The following CDH4 variants were observed in gnomAD, a reference collection of about 807,000 sequenced individuals.
The protein encoded by CDH4 is cadherin-4.
Under a neutral mutation model 86.0 loss-of-function variants are expected in CDH4, and 33 were observed. The ratio of observed to expected loss-of-function variants is 0.38; its 90% CI spans 0.29 to 0.51. The LOEUF (loss-of-function observed/expected upper bound fraction) is 0.51, where lower values mean the gene tolerates loss of function less well. Among genes scored for constraint, CDH4 ranks in the 20% least tolerant of loss-of-function variants. The probability of loss-of-function intolerance (pLI) is 0.86; values close to 1 mark genes in which losing one functional copy is unlikely to be tolerated. For missense variants in CDH4, 1,114 were observed against 1,307.4 expected (o/e 0.85, Z 2.28); for synonymous variants, 555 against 549.4 (o/e 1.01, Z -0.14).
intron 2 of CDH4, among the ~76,000 whole-genome samples, chr20:61,542,155 G>A (rs1037471102): frequency 6.6e-6 from 1 of 152,134 alleles, no homozygotes; most frequent in Non-Finnish European, 1.5e-5. Context: ...CTCATACTGG[G>A]TTAAGCTACT....
At chr20:61,639,879 T>A (rs904026315) in intron 2 of CDH4, among the ~76,000 whole-genome samples, 1 of 152,192 alleles carries the variant, frequency 6.6e-6, no homozygotes, top group African/African-American at 2.4e-5. Flanking sequence ...TATCTCACAA[T>A]GAAAATGCCC....
chr20:61,922,484 A>G (rs1468978094), intron 9 of CDH4, among the ~76,000 whole-genome samples: 1 of 152,240 alleles, frequency 6.6e-6, no homozygotes, highest in Non-Finnish European at 1.5e-5. Context: ...TGGGAACTGC[A>G]GACCTGGCAT....
chr20:61,572,070 T>G (rs1205993849), intron 2 of CDH4, among the ~76,000 whole-genome samples: 1 of 152,064 alleles, frequency 6.6e-6, no homozygotes, highest in Non-Finnish European at 1.5e-5. Context: ...GCAGCCAGCC[T>G]GAGCCAGCCA....
intron 9 of CDH4, among the ~76,000 whole-genome samples, chr20:61,922,858 C>A (rs1282150438): frequency 6.6e-6 from 1 of 152,220 alleles, no homozygotes; most frequent in Non-Finnish European, 1.5e-5. Context: ...TGGGCTCAAG[C>A]GATCCTCCCA....
At chr20:61,846,615 G>A (rs955258744) in intron 5 of CDH4, among the ~76,000 whole-genome samples, 2 of 152,044 alleles carry the variant, frequency 1.3e-5, no homozygotes, top group Non-Finnish European at 2.9e-5. Context: ...AGAGACAGAG[G>A]CATAGAGACA....
chr20:61,727,501 C>T (rs890409405), intron 2 of CDH4, among the ~76,000 whole-genome samples: 1 of 152,194 alleles, frequency 6.6e-6, no homozygotes, highest in Non-Finnish European at 1.5e-5. Context: ...CCTTAGTCCA[C>T]CTTTATTACT....
intron 2 of CDH4, among the ~76,000 whole-genome samples, chr20:61,594,226 AG>A (rs1355233432): frequency 2.8e-5 from 2 of 70,416 alleles, no homozygotes; most frequent in Admixed American, 2.0e-4. Context: ...GTGAAGAGGG[AG>A]GGGGGCTGAG....
intron 4 of CDH4, among the ~76,000 whole-genome samples, chr20:61,812,185 T>C (rs1324736416): frequency 2.6e-5 from 4 of 152,024 alleles, no homozygotes; most frequent in South Asian, 4.2e-4. Flanking sequence ...GGGCATGTTA[T>C]TGGGGGCGGG....
chr20:61,321,235 C>CA (rs1310931272), intron 2 of CDH4, among the ~76,000 whole-genome samples: 1 of 152,162 alleles, frequency 6.6e-6, no homozygotes, highest in Non-Finnish European at 1.5e-5. Context: ...CAAATTAGAA[C>CA]AGTTAATTTC....
chr20:61,659,939 C>T (rs2145830205), intron 2 of CDH4, among the ~76,000 whole-genome samples: 1 of 152,346 alleles, frequency 6.6e-6, no homozygotes. Context: ...CTGGCCCCTC[C>T]CCAAGCCTGT....
chr20:61,906,530 A>G (rs1394567143), intron 8 of CDH4, among the ~76,000 whole-genome samples: 3 of 152,216 alleles, frequency 2.0e-5, no homozygotes, highest in Non-Finnish European at 2.9e-5. Context: ...GGAGGCCAGC[A>G]GGTTTTCACT....
At chr20:61,380,513 C>A (rs1051394771) in intron 2 of CDH4, among the ~76,000 whole-genome samples, 1 of 149,066 alleles carries the variant, frequency 6.7e-6, no homozygotes, top group East Asian at 2.0e-4. Flanking sequence ...ACCAACAACA[C>A]CATCCTACAA....
At chr20:61,890,781 A>T (rs777960012) in intron 7 of CDH4, among the ~76,000 whole-genome samples, 1 of 152,080 alleles carries the variant, frequency 6.6e-6, no homozygotes, top group Non-Finnish European at 1.5e-5. Flanking sequence ...ATCTTGGTAA[A>T]TGTCAGCTCT....
At chr20:61,271,817 G>T (rs1018893253) in intron 2 of CDH4, among the ~76,000 whole-genome samples, 1 of 152,156 alleles carries the variant, frequency 6.6e-6, no homozygotes, top group African/African-American at 2.4e-5. Flanking sequence ...AGATGAAAAC[G>T]AGGTGTCGCT....
intron 2 of CDH4, among the ~76,000 whole-genome samples, chr20:61,502,671 G>A (rs138687976): frequency 1.4e-4 from 21 of 152,264 alleles, no homozygotes; most frequent in East Asian, 3.9e-4. Flanking sequence ...GCTTCCTGGC[G>A]TCCAAAGGAT....
At chr20:61,433,005 A>AT (rs2085256908) in intron 2 of CDH4, among the ~76,000 whole-genome samples, 1 of 151,376 alleles carries the variant, frequency 6.6e-6, no homozygotes, top group South Asian at 2.1e-4. Flanking sequence ...CGCCTGGCTA[A>AT]TTTTTGTATT....
At chr20:61,570,852 T>A (rs2086336658) in intron 2 of CDH4, 1 of 696,366 alleles carries the variant, frequency 1.4e-6, no homozygotes, top group Non-Finnish European at 2.6e-6. Context: ...CCAAGTGTGT[T>A]GCGTTTGGAT....
chr20:61,530,674 A>G (rs2085945124), intron 2 of CDH4, among the ~76,000 whole-genome samples: 1 of 152,158 alleles, frequency 6.6e-6, no homozygotes, highest in Non-Finnish European at 1.5e-5. Context: ...GGGCTGTGTC[A>G]GAAGTGTTTG....
rs926276484 is a variant in CDH4, at chr20:61,269,198, A to G, written c.169+14261A>G. Among the ~76,000 whole-genome samples the G allele has an allele frequency of 1.3e-5, 2 of 152,158 alleles. No individual in the cohort carries two copies. Among genetic ancestry groups the G allele is most frequent in the Non-Finnish European group, 2.9e-5 (2 of 68,010 alleles). On this transcript the variant is annotated intron_variant, in intron 2 of 15. Coordinates refer to ENST00000614565, the MANE Select transcript of CDH4 (RefSeq NM_001794.5). The surrounding 1 kb of genome is among the most constrained non-coding windows in gnomAD (Gnocchi z 5.3). ...GACCACCCTAGGCAGGAGGCATGTTACTAACCCTCCTTTCACAGAGTTGGG... is the reference window on the plus strand; with the variant it reads ...GACCACCCTAGGCAGGAGGCATGTTGCTAACCCTCCTTTCACAGAGTTGGG...
Sources: allele counts gnomAD v4.1 joint callset (sites outside exome capture counted in the v4.1 genomes callset), GRCh38; gene constraint gnomAD v4.1.1; non-coding constraint Gnocchi (gnomAD v3.1); transcripts MANE v1.5; gene names NCBI Gene and HGNC (gene_info 2026-07-23, HGNC 2026-07-21).